The following BCL11B variants were observed in gnomAD, a reference collection of about 807,000 sequenced individuals.
BCL11B encodes the protein B-cell lymphoma/leukemia 11B.
Under a neutral mutation model 49.9 loss-of-function variants are expected in BCL11B, and 8 were observed. The observed-to-expected ratio is 0.16, with a 90% CI of 0.09 to 0.29. The LOEUF is 0.29. BCL11B is among the 10% of genes least tolerant of loss of function. The pLI is 1.00. For missense variants in BCL11B, 1,006 were observed against 1,351.0 expected (o/e 0.74, Z 4.00); for synonymous variants, 739 against 637.4 (o/e 1.16, Z -2.40).
rs1198860902 is a variant in BCL11B at position 99,231,447 on chromosome 14, A to G, written c.538T>C (p.Cys180Arg). Reference protein sequence around the residue: ...PLRALGALPPCLPLPCCSARP... With the variant: ...PLRALGALPPRLPLPCCSARP... ...GCGCTGCAGCACGGCAGGGGGAGGC[A>G]GGGCGGGAGAGCGCCCAGGGCACGC... The change falls in exon 3 of 4, where the codon TGC becomes CGC. Residue 180 changes from cysteine (C) to arginine (R), a missense_variant. Cys to Arg is a radical substitution (Grantham distance 180, BLOSUM62 -3). This residue lies in a region of BCL11B where 411 missense variants were observed against 542.2 expected (regional missense o/e 0.76). Transcript: ENST00000357195. This position sits in a 1 kb window ranked among gnomAD's most constrained non-coding sequence, Gnocchi z 8.1. 1.3e-6 allele frequency: 2 copies of G among 1,595,910 alleles called. No individual in the cohort carries two copies. Among genetic ancestry groups the G allele is most frequent in the East Asian group, 4.5e-5 (2 of 44,438 alleles).
intron 2 of BCL11B, among the ~76,000 whole-genome samples, chr14:99,245,987 T>A (rs1888820670): frequency 6.6e-6 from 1 of 152,050 alleles, no homozygotes. Flanking sequence ...ACTCCAGGGC[T>A]GCAGAGTGCT....
At position 99,255,678 on chromosome 14, in the gene BCL11B, C is replaced by T. The variant is rs539784142; in HGVS notation, c.427+1793G>A. Among the ~76,000 whole-genome samples the T allele has an allele frequency of 3.9e-5, 6 of 152,240 alleles. No homozygotes were observed. In the East Asian group the frequency reaches 5.8e-4, roughly 15 times the overall value. On this transcript the variant is annotated intron_variant, in intron 2 of 3. Coordinates refer to ENST00000357195, the MANE Select transcript of BCL11B (RefSeq NM_138576.4). ...CCTAGCAAGGCCACCCCTGAAAGAT[C>T]GATGTGCACTGAGGCCAGGCGTCGA...
chr14:99,224,419 G>C (rs914293307), intron 3 of BCL11B, among the ~76,000 whole-genome samples: 3 of 152,144 alleles, frequency 2.0e-5, no homozygotes, highest in Non-Finnish European at 4.4e-5. Flanking sequence ...GGACTGAGCC[G>C]GCCCTTTAGC....
At chr14:99,187,886 G>T (rs7157074) in intron 3 of BCL11B, among the ~76,000 whole-genome samples, 18 of 151,942 alleles carry the variant, frequency 1.2e-4, no homozygotes, top group Admixed American at 9.2e-4. Context: ...AAAAAATCTC[G>T]ACATTCCACC....
Position 99,228,217 on chromosome 14 carries a change from A to G in BCL11B, c.640+3128T>C, listed in dbSNP as rs1888213585. Among the ~76,000 whole-genome samples the G allele has an allele frequency of 6.6e-6, 1 of 152,208 alleles. No individual in the cohort carries two copies. The highest frequency in any genetic ancestry group is 2.4e-5 in the African/African-American group (1 of 41,462). On this transcript the variant is annotated intron_variant, in intron 3 of 3. Transcript: ENST00000357195. This position sits in a 1 kb window ranked among gnomAD's most constrained non-coding sequence, Gnocchi z 4.8. ...GACAGCAGGCCCATTCCATCTTTAC[A>G]AAGGCCTGCTTCTTCCTAACGGGTT...
At chr14:99,258,637 G>T (rs2748812) in intron 1 of BCL11B, among the ~76,000 whole-genome samples, 1 of 152,182 alleles carries the variant, frequency 6.6e-6, no homozygotes, top group Non-Finnish European at 1.5e-5. Context: ...GGCTGGAACC[G>T]GCTTGCAGAG....
intron 2 of BCL11B, among the ~76,000 whole-genome samples, chr14:99,239,623 AGT>A (rs1466914500): frequency 3.3e-5 from 5 of 152,220 alleles, no homozygotes; most frequent in African/African-American, 1.2e-4. Flanking sequence ...GGGTGCCTAC[AGT>A]GAGTTTTAAA....
chr14:99,222,261 GA>G (rs11290061), intron 3 of BCL11B, among the ~76,000 whole-genome samples: 83,171 of 151,812 alleles, frequency 0.55, 23,018 homozygotes, highest in Admixed American at 0.63. Flanking sequence ...CCCAGTGGGG[GA>G]AAAAAAATGG....
At chr14:99,258,155 A>C (rs140577936) in intron 1 of BCL11B, among the ~76,000 whole-genome samples, 254 of 152,334 alleles carry the variant, frequency 1.7e-3, no homozygotes, top group Admixed American at 3.5e-3. Context: ...ACACGGACAC[A>C]CGTGCATACA....
intron 3 of BCL11B, among the ~76,000 whole-genome samples, chr14:99,193,598 A>G (rs985107744): frequency 2.6e-5 from 4 of 152,124 alleles, no homozygotes; most frequent in African/African-American, 9.7e-5. Flanking sequence ...TTTTCTGGAG[A>G]AAGAAAAAAA....
In BCL11B at chr14:99,272,113, T is replaced by C. The variant is rs2139988548; in HGVS notation, c.-895A>G. 6.6e-6 allele frequency among the ~76,000 whole-genome samples: 1 copy of C among 151,900 alleles called. No homozygotes were observed. The highest frequency in any genetic ancestry group is 2.1e-4 in the South Asian group (1 of 4,792). ...GGCTCGCCCAGTGCGCCTGGGTCGG[T>C]GCGGGCGCAGACTGGGAGCTATAGA... On this transcript the variant is annotated 5_prime_UTR_variant, in exon 1 of 4. Transcript: ENST00000357195. The surrounding 1 kb of genome is among the most constrained non-coding windows in gnomAD (Gnocchi z 6.0).
chr14:99,254,642 G>A (rs10873500), intron 2 of BCL11B, among the ~76,000 whole-genome samples: 74,537 of 152,154 alleles, frequency 0.49, 18,780 homozygotes, highest in Non-Finnish European at 0.54. Flanking sequence ...GCCGGGGCCA[G>A]CGAGGCCCTG....
rs1182482642 is a variant in BCL11B, at chr14:99,228,251, C to T, written c.640+3094G>A. Reference sequence around the variant, plus strand: ...CTTCTTCCTAACGGGTTACTGGGAACTTAATGACTCCATTCCAACTACTAA... The same window carrying T: ...CTTCTTCCTAACGGGTTACTGGGAATTTAATGACTCCATTCCAACTACTAA... On this transcript the variant is annotated intron_variant, in intron 3 of 3. Transcript: ENST00000357195. This position sits in a 1 kb window ranked among gnomAD's most constrained non-coding sequence, Gnocchi z 4.8. Among the ~76,000 whole-genome samples the T allele has an allele frequency of 6.6e-6, 1 of 152,176 alleles. No individual in the cohort carries two copies. Among genetic ancestry groups the T allele is most frequent in the African/African-American group, 2.4e-5 (1 of 41,448 alleles).
rs1595211043 is a variant in BCL11B at position 99,172,246 on chromosome 14, G to C, written c.*1905C>G. 1 of 225,836 alleles carries C rather than the reference G, an allele frequency of 4.4e-6. No individual in the cohort carries two copies. The highest frequency in any genetic ancestry group is 8.8e-6 in the Non-Finnish European group (1 of 113,286). The allele number at this position is 225,836 out of a possible 1,614,324, so 14.0% of individuals were successfully genotyped here. On this transcript the variant is annotated 3_prime_UTR_variant, in exon 4 of 4. Coordinates refer to ENST00000357195, the MANE Select transcript of BCL11B (RefSeq NM_138576.4). Reference sequence around the variant, plus strand: ...GTGTCACTTGAGTTTTAATTCAGCAGTAAATCACCTCCACTCCATATCTAA... The same window carrying C: ...GTGTCACTTGAGTTTTAATTCAGCACTAAATCACCTCCACTCCATATCTAA...
At chr14:99,214,903 A>G (rs956698430) in intron 3 of BCL11B, among the ~76,000 whole-genome samples, 1 of 152,100 alleles carries the variant, frequency 6.6e-6, no homozygotes, top group Admixed American at 6.5e-5. Context: ...ACCCAGGTAC[A>G]GCCATCTCCC....
chr14:99,234,101 A>T (rs148369177), intron 2 of BCL11B, among the ~76,000 whole-genome samples: 2 of 152,272 alleles, frequency 1.3e-5, no homozygotes, highest in African/African-American at 4.8e-5. Flanking sequence ...CGAAATGTTC[A>T]TAAGAGGCAA....
intron 3 of BCL11B, among the ~76,000 whole-genome samples, chr14:99,224,161 GC>G (rs1278817976): frequency 6.6e-6 from 1 of 152,190 alleles, no homozygotes; most frequent in Non-Finnish European, 1.5e-5. Context: ...TCTACCAGCA[GC>G]TCCTTCTCTG....
At chr14:99,191,808 T>C (rs1358392508) in intron 3 of BCL11B, among the ~76,000 whole-genome samples, 1 of 151,982 alleles carries the variant, frequency 6.6e-6, no homozygotes, top group Non-Finnish European at 1.5e-5. Flanking sequence ...CTAGATTTGG[T>C]GGCTCAGCTG....
In BCL11B at chr14:99,255,795, G is replaced by C. The variant is rs150537330; in HGVS notation, c.427+1676C>G. Among the ~76,000 whole-genome samples the C allele has an allele frequency of 3.9e-5, 6 of 152,356 alleles. No individual in the cohort carries two copies. In the East Asian group the frequency reaches 1.2e-3, roughly 29 times the overall value. On this transcript the variant is annotated intron_variant, in intron 2 of 3. Coordinates refer to ENST00000357195, the MANE Select transcript of BCL11B (RefSeq NM_138576.4). ...GCCTGATGGCTCAGCCCGGTGAAGA[G>C]ACGCTGCTCAGGTGCACATAGCACT...
Sources: allele counts gnomAD v4.1 joint callset (sites outside exome capture counted in the v4.1 genomes callset), GRCh38; gene constraint gnomAD v4.1.1; regional missense constraint gnomAD v4.1.1; non-coding constraint Gnocchi (gnomAD v3.1); transcripts MANE v1.5; gene names NCBI Gene and HGNC (gene_info 2026-07-23, HGNC 2026-07-21).